MED21: variants seen among roughly 807,000 people sequenced by gnomAD.
MED21 encodes mediator complex subunit 21, also known as mediator of RNA polymerase II transcription subunit 21.
Under a neutral mutation model 18.2 loss-of-function variants are expected in MED21, and 9 were observed. The observed-to-expected ratio is 0.49, with a 90% CI of 0.30 to 0.86. The LOEUF (loss-of-function observed/expected upper bound fraction) is 0.86. MED21 is among the 40% of genes least tolerant of loss of function. The probability of loss-of-function intolerance (pLI) is 0.07; values close to 1 mark genes in which losing one functional copy is unlikely to be tolerated. For synonymous variants in MED21, 73 were observed against 60.5 expected, an observed-to-expected ratio of 1.21 and a Z score of -0.96; for missense variants, 150 against 170.9, an observed-to-expected ratio of 0.88 and a Z score of 0.68.
At chr12:27,023,435 T>TA (rs201300556) in intron 1 of MED21, among the ~76,000 whole-genome samples, 1,671 of 150,976 alleles carry the variant, frequency 0.011, 34 homozygotes, top group African/African-American at 0.038. Context: ...TAGCTGGGAT[T>TA]ACAGGCGCCC....
intron 2 of MED21, 40 bp downstream of exon 2, chr12:27,026,574 C>A (rs370638428): frequency 4.7e-6 from 6 of 1,271,908 alleles, no homozygotes; most frequent in African/African-American, 4.4e-5. Flanking sequence ...TTGACTCTCA[C>A]ATTTTTTGTA....
In MED21 at chr12:27,028,400, T is replaced by C. The variant is rs147597310; in HGVS notation, c.374T>C (p.Ile125Thr). ...AAGATACAAAGCGCACTTGCTGATA[T>C]TGCACAGTCACAGCTGAAGACAAGA... Reference protein sequence around the residue: ...LEKIQSALADIAQSQLKTRSG... With the variant: ...LEKIQSALADTAQSQLKTRSG... Residue 125 changes from isoleucine (I) to threonine (T), a missense_variant, in exon 4 of 4, where the codon ATT becomes ACT. By Grantham distance (89) the Ile-to-Thr change is moderately conservative. Transcript: ENST00000282892. 6.2e-6 allele frequency: 10 copies of C among 1,614,030 alleles called. No individual in the cohort carries two copies. In the Admixed American group the frequency reaches 8.3e-5, roughly 13 times the overall value.
At chr12:27,031,430 A>G (rs568109637), downstream of MED21, among the ~76,000 whole-genome samples, 1 of 152,322 alleles carries the variant, frequency 6.6e-6, no homozygotes, top group South Asian at 2.1e-4. Flanking sequence ...TTCCCTGTAT[A>G]CCAAGGAAGG....
chr12:27,037,520 G>C (rs1286060654), intron 2 of MED21: 3 of 152,188 alleles, frequency 2.0e-5, no homozygotes, highest in African/African-American at 7.2e-5. Flanking sequence ...TCTTGTGCCA[G>C]TTTTCAAAGG....
chr12:27,029,067 C>T lies in MED21; in HGVS notation c.*606C>T. The T allele has an allele frequency of 5.1e-6, 5 of 985,390 alleles. No individual in the cohort carries two copies. The highest frequency in any genetic ancestry group is 6.0e-6 in the Non-Finnish European group (5 of 829,902). The allele number at this position is 985,390 out of a possible 1,614,324, so 61.0% of individuals were successfully genotyped here. ...TTTATTTTACCAAGAGATCCTCTGTCAAGAGAATTTCCTGGCTGTTGTGAA... is the reference window on the plus strand; with the variant it reads ...TTTATTTTACCAAGAGATCCTCTGTTAAGAGAATTTCCTGGCTGTTGTGAA... On this transcript the variant is annotated 3_prime_UTR_variant, in exon 4 of 4. Transcript: ENST00000282892.
downstream of MED21, among the ~76,000 whole-genome samples, chr12:27,035,227 A>G (rs1941642536): frequency 6.6e-6 from 1 of 152,162 alleles, no homozygotes; most frequent in African/African-American, 2.4e-5. Context: ...AATAAAAACA[A>G]CAGGCAGTAA....
At chr12:27,033,086 T>C (rs1373730821), downstream of MED21, among the ~76,000 whole-genome samples, 1 of 152,232 alleles carries the variant, frequency 6.6e-6, no homozygotes, top group Non-Finnish European at 1.5e-5. Flanking sequence ...GATCTTACCT[T>C]TGAAGCATTC....
chr12:27,028,065 A>G lies in MED21; in HGVS notation c.259-220A>G, dbSNP rs150979192. ...ATAATGGTGTCTAAACGTAATGTGTAAGGGAGTCACTTAAAGATATCTAGA... is the reference window on the plus strand; with the variant it reads ...ATAATGGTGTCTAAACGTAATGTGTGAGGGAGTCACTTAAAGATATCTAGA... On this transcript the variant is annotated intron_variant, in intron 3 of 3. Transcript: ENST00000282892. Among the ~76,000 whole-genome samples the G allele has an allele frequency of 1.0e-3, 157 of 152,318 alleles. 1 individual carries two copies. The highest frequency in any genetic ancestry group is 3.6e-3 in the African/African-American group (150 of 41,570).
chr12:27,034,067 T>C (rs1028556581), downstream of MED21, among the ~76,000 whole-genome samples: 5 of 152,196 alleles, frequency 3.3e-5, no homozygotes, highest in Admixed American at 2.6e-4. Context: ...TTGAATGTAT[T>C]TAAAATTTAA....
downstream of MED21, among the ~76,000 whole-genome samples, chr12:27,035,746 T>C (rs1484074615): frequency 6.6e-6 from 1 of 151,966 alleles, no homozygotes; most frequent in Admixed American, 6.6e-5. Context: ...ATTTCATCCA[T>C]GTCCCTACAA....
rs760074276 is a variant in MED21 at position 27,027,424 on chromosome 12, G to A, written c.235G>A (p.Glu79Lys). The A allele has an allele frequency of 1.2e-5, 19 of 1,612,850 alleles. No individual in the cohort carries two copies. The South Asian group carries it at 2.1e-4, about 18-fold the overall frequency. The change falls in exon 3 of 4, where the codon GAA (glutamate) becomes AAA (lysine). Residue 79 changes from glutamate (E) to lysine (K), a missense_variant. Physicochemically the swap from Glu to Lys is moderately conservative, Grantham distance 56. Coordinates refer to ENST00000282892, the MANE Select transcript of MED21 (RefSeq NM_004264.5). Reference protein sequence around the residue: ...IDVLIDSLPSEESTAALQAAS... With the variant: ...IDVLIDSLPSKESTAALQAAS... ...TGTTTTGATAGATTCCTTACCCAGT[G>A]AAGAATCTACAGCTGCTTTACAGGT... is the stretch of plus-strand genomic sequence containing the variant.
Position 27,026,407 on chromosome 12 carries a change from T to G in MED21, c.43-13T>G, listed in dbSNP as rs1170192517. 7.6e-6 allele frequency: 12 copies of G among 1,576,086 alleles called. No individual in the cohort carries two copies. The highest frequency in any genetic ancestry group is 1.3e-5 in the African/African-American group (1 of 74,158). On this transcript the variant is annotated splice_polypyrimidine_tract_variant and intron_variant, in intron 1 of 3. Transcript: ENST00000282892. ...AGTCCTTTCTAACCTTGATATGTTTTCTTTGGCCTAAGCTTGCAGATCAGT... is the reference window on the plus strand; with the variant it reads ...AGTCCTTTCTAACCTTGATATGTTTGCTTTGGCCTAAGCTTGCAGATCAGT...
downstream of MED21, among the ~76,000 whole-genome samples, chr12:27,035,734 C>G (rs1941645920): frequency 6.6e-6 from 1 of 151,566 alleles, no homozygotes. Context: ...TGATGATTTC[C>G]AATTTCATCC....
intron 1 of MED21, among the ~76,000 whole-genome samples, chr12:27,024,577 T>C (rs1474902564): frequency 6.6e-6 from 1 of 152,216 alleles, no homozygotes; most frequent in Non-Finnish European, 1.5e-5. Context: ...AGAAATCTTA[T>C]TTTAGGGAAA....
Position 27,022,574 on chromosome 12 carries a change from A to C in MED21, c.-6A>C, listed in dbSNP as rs757778090. The C allele has an allele frequency of 3.9e-6, 6 of 1,546,548 alleles. No individual in the cohort carries two copies. The highest frequency in any genetic ancestry group is 5.3e-6 in the Non-Finnish European group (6 of 1,139,756). ...TGTTTTGGCGTCTGTTTGCTGCGGT[A>C]GGAACATGGCGGATCGGCTCACGCA... On this transcript the variant is annotated 5_prime_UTR_variant, in exon 1 of 4. Transcript: ENST00000282892.
downstream of MED21, among the ~76,000 whole-genome samples, chr12:27,034,717 A>T (rs1248457004): frequency 6.6e-6 from 1 of 152,166 alleles, no homozygotes; most frequent in Non-Finnish European, 1.5e-5. Context: ...CTGGGATTAC[A>T]TGCATGAGCC....
downstream of MED21, among the ~76,000 whole-genome samples, chr12:27,034,385 G>A (rs1941637151): frequency 6.6e-6 from 1 of 152,116 alleles, no homozygotes; most frequent in Admixed American, 6.5e-5. Context: ...TCACGCCATT[G>A]CACTCCAGCC....
chr12:27,023,121 A>C (rs985753492), intron 1 of MED21, among the ~76,000 whole-genome samples: 2 of 151,930 alleles, frequency 1.3e-5, no homozygotes, highest in Non-Finnish European at 2.9e-5. Flanking sequence ...TGCGGGAGCG[A>C]TGCTGAGGTG....
intron 2 of MED21, chr12:27,038,430 C>G (rs1465592456): frequency 6.6e-6 from 1 of 151,918 alleles, no homozygotes; most frequent in Non-Finnish European, 1.5e-5. Context: ...AAAGTAATAC[C>G]ATCTTTATGG....
Sources: gnomAD v4.1 joint callset for allele counts (sites outside exome capture counted in the v4.1 genomes callset) on GRCh38, gnomAD v4.1.1 for gene constraint, MANE v1.5 for transcripts, NCBI Gene and HGNC (gene_info 2026-07-23, HGNC 2026-07-21) for gene names.